SDK1: variants seen among roughly 807,000 people sequenced by gnomAD.
SDK1 encodes protein sidekick-1.
SDK1 carries 157 observed loss-of-function variants against 245.5 expected under a neutral mutation model. The observed-to-expected ratio is 0.64, with a 90% CI of 0.56 to 0.73. SDK1 has a LOEUF of 0.73. Ranked by LOEUF, SDK1 falls within the 30% of genes least tolerant of loss-of-function variation. The pLI, the probability that SDK1 is intolerant of heterozygous loss-of-function variation, is 0.00. For synonymous variants in SDK1, 1,647 were observed against 1,278.5 expected, an observed-to-expected ratio of 1.29 and a Z score of -6.15; for missense variants, 3,583 against 3,002.3, an observed-to-expected ratio of 1.19 and a Z score of -4.52.
At chr7:3,457,879 T>G (rs549798441) in intron 1 of SDK1, among the ~76,000 whole-genome samples, 6 of 152,228 alleles carry the variant, frequency 3.9e-5, no homozygotes, top group South Asian at 2.1e-4. Flanking sequence ...TCTGGGAGTT[T>G]CCTGAGAATG....
At chr7:3,831,790 C>T (rs1257556764) in intron 5 of SDK1, among the ~76,000 whole-genome samples, 1 of 152,116 alleles carries the variant, frequency 6.6e-6, no homozygotes, top group African/African-American at 2.4e-5. Context: ...CATGTTGACT[C>T]ATGCCCAGTG....
rs540958172 is a variant in SDK1 at position 3,317,421 on chromosome 7, G to A, written c.298+15537G>A. Among the ~76,000 whole-genome samples, 3 of 152,050 alleles carry A rather than the reference G, an allele frequency of 2.0e-5. No homozygotes were observed. The South Asian group carries it at 6.3e-4, about 32-fold the overall frequency. The stretch of plus-strand genomic sequence containing the variant: ...ATCTATCTGCTTTCCAGACTAATTG[G>A]GGAGCAAGAATTCCTTTTCCTTTCC... On this transcript the variant is annotated intron_variant, in intron 1 of 44. Transcript: ENST00000404826.
At chr7:4,227,995 G>C (rs1032366586) in intron 40 of SDK1, among the ~76,000 whole-genome samples, 1 of 152,128 alleles carries the variant, frequency 6.6e-6, no homozygotes, top group African/African-American at 2.4e-5. Flanking sequence ...TTTTTTCAAG[G>C]ATCTTCAATA....
intron 28 of SDK1, among the ~76,000 whole-genome samples, chr7:4,143,967 G>T (rs543101565): frequency 3.3e-5 from 5 of 152,152 alleles, no homozygotes; most frequent in Admixed American, 2.0e-4. Flanking sequence ...TCTCCTCACC[G>T]TCAGAGTGCG....
At chr7:3,995,558 A>G (rs922622166) in intron 14 of SDK1, among the ~76,000 whole-genome samples, 1 of 152,244 alleles carries the variant, frequency 6.6e-6, no homozygotes, top group African/African-American at 2.4e-5. Context: ...CAGCAAAGGC[A>G]AGACAGCAAC....
intron 40 of SDK1, among the ~76,000 whole-genome samples, chr7:4,222,624 A>G (rs1007719464): frequency 6.6e-6 from 1 of 152,228 alleles, no homozygotes; most frequent in Non-Finnish European, 1.5e-5. Context: ...GGAGAAACCT[A>G]GTGCAGAAGC....
chr7:3,405,967 T>C lies in SDK1; in HGVS notation c.298+104083T>C, dbSNP rs574088176. The stretch of plus-strand genomic sequence containing the variant: ...AGGTGGGATTACAGGCATACCTCAC[T>C]ATGCCCAGCTAATTTTTGTATTTTT... On this transcript the variant is annotated intron_variant, in intron 1 of 44. Coordinates refer to ENST00000404826, the MANE Select transcript of SDK1 (RefSeq NM_152744.4). Among the ~76,000 whole-genome samples, 4 of 152,108 alleles carry C rather than the reference T, an allele frequency of 2.6e-5. No homozygotes were observed. In the East Asian group the frequency reaches 5.8e-4, roughly 22 times the overall value.
chr7:4,066,750 C>A (rs1779928491), intron 19 of SDK1, among the ~76,000 whole-genome samples: 1 of 152,198 alleles, frequency 6.6e-6, no homozygotes, highest in African/African-American at 2.4e-5. Flanking sequence ...TGGGTCAGAA[C>A]TGCCAGATGT....
At position 4,194,091 on chromosome 7, in the gene SDK1, C is replaced by G. The variant is rs7781894; in HGVS notation, c.5099-11788C>G. The stretch of plus-strand genomic sequence containing the variant: ...CAGCCAACTCCGGAAACCGCAAAAC[C>G]AACAGAAGAACTCCATCCTGAATAT... On this transcript the variant is annotated intron_variant, in intron 35 of 44. Transcript: ENST00000404826. Among the ~76,000 whole-genome samples the G allele has an allele frequency of 4.1e-3, 619 of 152,164 alleles. 2 individuals are homozygous for G. The highest frequency in any genetic ancestry group is 0.015 in the African/African-American group (608 of 41,494).
chr7:3,352,293 C>T (rs1241422410), intron 1 of SDK1, among the ~76,000 whole-genome samples: 1 of 151,386 alleles, frequency 6.6e-6, no homozygotes, highest in Non-Finnish European at 1.5e-5. Flanking sequence ...ATACTTGATA[C>T]ACGTTCCAGA....
intron 1 of SDK1, among the ~76,000 whole-genome samples, chr7:3,369,295 C>G (rs534531342): frequency 2.6e-5 from 4 of 152,138 alleles, no homozygotes; most frequent in Non-Finnish European, 1.5e-5. Flanking sequence ...CCTGCCTCGG[C>G]CTCCCAAAGT....
chr7:3,641,344 C>T (rs1033662964), intron 3 of SDK1, among the ~76,000 whole-genome samples: 5 of 152,048 alleles, frequency 3.3e-5, no homozygotes, highest in Non-Finnish European at 7.4e-5. Context: ...ATGTTTTGTC[C>T]TATGACCCCA....
Position 4,113,428 on chromosome 7 carries a change from C to T in SDK1, c.3574C>T (p.Leu1192Phe), listed in dbSNP as rs34169079. Residue 1192 changes from leucine (L) to phenylalanine (F), a missense_variant, in exon 24 of 45, where the codon CTT (leucine) becomes TTT (phenylalanine). Leu to Phe is a conservative substitution (Grantham distance 22). Coordinates refer to ENST00000404826, the MANE Select transcript of SDK1 (RefSeq NM_152744.4). ...VRTASETSLR[L>F]RWVPLPDSQY... is the part of the protein sequence containing the mutation. ...TACTGCCAGTGAGACCAGCCTGCGG[C>T]TTCGCTGGGTGGTGAGTGGGGGTGA... The T allele has an allele frequency of 1.9e-6, 3 of 1,613,792 alleles. No individual in the cohort carries two copies. The highest frequency in any genetic ancestry group is 1.7e-5 in the Admixed American group (1 of 60,020).
At chr7:3,505,421 G>T (rs1782362296) in intron 1 of SDK1, among the ~76,000 whole-genome samples, 2 of 151,964 alleles carry the variant, frequency 1.3e-5, no homozygotes, top group African/African-American at 4.8e-5. Context: ...GCCAGTTTTT[G>T]AAATCTTTTT....
intron 19 of SDK1, among the ~76,000 whole-genome samples, chr7:4,066,623 G>A (rs1562757175): frequency 6.6e-6 from 1 of 152,172 alleles, no homozygotes; most frequent in Non-Finnish European, 1.5e-5. Context: ...AGATAGCCAG[G>A]CATCCTCTCC....
At chr7:4,130,907 T>C (rs1210694218) in intron 27 of SDK1, among the ~76,000 whole-genome samples, 1 of 151,984 alleles carries the variant, frequency 6.6e-6, no homozygotes, top group East Asian at 1.9e-4. Context: ...CTTTGCTGAG[T>C]AACTAAATGA....
At chr7:3,825,134 C>T (rs979951981) in intron 5 of SDK1, among the ~76,000 whole-genome samples, 4 of 152,056 alleles carry the variant, frequency 2.6e-5, no homozygotes, top group African/African-American at 9.7e-5. Context: ...CTCAGGTGCA[C>T]ACCAGAAAAA....
chr7:4,066,282 T>C (rs1733100658), intron 19 of SDK1, among the ~76,000 whole-genome samples: 1 of 152,202 alleles, frequency 6.6e-6, no homozygotes, highest in African/African-American at 2.4e-5. Flanking sequence ...GGTAGGGCTC[T>C]CAATGGCAGG....
chr7:3,902,843 A>G (rs2128105886), intron 5 of SDK1, among the ~76,000 whole-genome samples: 1 of 145,302 alleles, frequency 6.9e-6, no homozygotes, highest in East Asian at 1.9e-4. Context: ...AAATAAGAAT[A>G]TAGCACAGAA....
Sources: gnomAD v4.1 joint callset for allele counts (sites outside exome capture counted in the v4.1 genomes callset) on GRCh38, gnomAD v4.1.1 for gene constraint, MANE v1.5 for transcripts, NCBI Gene and HGNC (gene_info 2026-07-23, HGNC 2026-07-21) for gene names.